ZSCAN32: variants seen among roughly 807,000 people sequenced by gnomAD.
ZSCAN32 encodes zinc finger and SCAN domain-containing protein 32.
ZSCAN32 carries 52 observed loss-of-function variants against 47.4 expected under a neutral mutation model. The ratio of observed to expected loss-of-function variants is 1.10; its 90% confidence interval spans 0.88 to 1.38. The LOEUF (loss-of-function observed/expected upper bound fraction) is 1.38. ZSCAN32 is among the 40% of genes most tolerant of loss of function. The pLI is 0.00. For synonymous variants in ZSCAN32, 346 were observed against 305.7 expected, an observed-to-expected ratio of 1.13 and a Z score of -1.38; for missense variants, 959 against 846.0, an observed-to-expected ratio of 1.13 and a Z score of -1.66.
chr16:3,383,329 A>G lies in ZSCAN32; in HGVS notation c.1617T>C (p.His539=), dbSNP rs189562749. 6.2e-7 allele frequency: 1 copy of G among 1,614,170 alleles called. No homozygotes were observed. The highest frequency in any genetic ancestry group is 2.2e-5 in the East Asian group (1 of 44,874). The change falls in exon 7 of 7, where the codon CAT becomes CAC. Residue 539 remains histidine, a synonymous_variant. Coordinates refer to ENST00000396852, the MANE Select transcript of ZSCAN32 (RefSeq NM_001284527.2). The stretch of plus-strand genomic sequence containing the variant: ...GCTTCTCGCCTGTGTGGATTCTTTG[A>G]TGCCGAACAAGATAAGAACTTCGGC... The part of the protein sequence containing the change: ...TFSRSSYLVR[H]QRIHTGEKPH...
At position 3,383,118 on chromosome 16, in the gene ZSCAN32, A is replaced by G. The variant is rs1475087785; in HGVS notation, c.1828T>C (p.Cys610Arg). 6.2e-7 allele frequency: 1 copy of G among 1,614,090 alleles called. No individual in the cohort carries two copies. The highest frequency in any genetic ancestry group is 2.2e-5 in the East Asian group (1 of 44,886). Reference protein sequence around the residue: ...TGEKPYQCIVCGKRFNNSSQF... With the variant: ...TGEKPYQCIVRGKRFNNSSQF... ...GAACTGTTGTTGAATCTCTTTCCAC[A>G]GACAATGCACTGGTAAGGCTTTTCC... The change falls in exon 7 of 7, where the codon TGT becomes CGT. Residue 610 changes from cysteine to arginine, a missense_variant. Transcript: ENST00000396852.
chr16:3,395,819 C>T (rs189296773), intron 2 of ZSCAN32, among the ~76,000 whole-genome samples: 1 of 152,150 alleles, frequency 6.6e-6, no homozygotes, highest in African/African-American at 2.4e-5. Flanking sequence ...AGCAACATGG[C>T]AAAACCTCAC....
At chr16:3,390,615 C>T (rs1287262620) in intron 3 of ZSCAN32, 98 bp from the exon 4 acceptor site, 18 of 893,054 alleles carry the variant, frequency 2.0e-5, no homozygotes, top group South Asian at 4.8e-5. Context: ...GCATCAGCAG[C>T]CCCTGGCAAC....
chr16:3,400,802 G>A (rs1335977715), intron 1 of ZSCAN32, 143 bp downstream of exon 1: 1 of 152,264 alleles, frequency 6.6e-6, no homozygotes, highest in African/African-American at 2.4e-5. Flanking sequence ...CGCCCGGCCT[G>A]AGGGAGGCTG....
chr16:3,391,697 A>AAAC lies in ZSCAN32; in HGVS notation c.533-1181_533-1180insGTT, dbSNP rs767841047. Among the ~76,000 whole-genome samples the AAAC allele has an allele frequency of 2.1e-4, 30 of 143,626 alleles. 1 individual carries two copies. The highest frequency in any genetic ancestry group is 4.1e-4 in the East Asian group (2 of 4,934). 94.2% of individuals were successfully genotyped at this position (143,626 alleles called of 152,430 possible). On this transcript the variant is annotated intron_variant, in intron 3 of 6. Transcript: ENST00000396852. ...TCCATCTCAAAAAAAAAAAAAAAAA[A>AAAC]CAAAATACTAAAATCTCTTAGACAA...
intron 5 of ZSCAN32, among the ~76,000 whole-genome samples, chr16:3,385,475 C>T (rs1286853705): frequency 4.6e-5 from 7 of 152,112 alleles, no homozygotes; most frequent in South Asian, 2.1e-4. Context: ...AAAAAGAGCC[C>T]GCATTGCCAA....
At position 3,384,847 on chromosome 16, in the gene ZSCAN32, C is replaced by T; in HGVS notation, c.846G>A (p.Gln282=). The part of the protein sequence containing the change: ...QFYGKLQTCQ[Q]NSQIYRAMAE... ...CCATGGCCCTGTAGATCTGGCTGTT[C>T]TGCTGACAGGTCTGGAGTTTTCCAT... Residue 282 remains glutamine, a synonymous_variant, in exon 6 of 7, where the codon CAG becomes CAA. Transcript: ENST00000396852. The T allele has an allele frequency of 1.9e-6, 3 of 1,614,144 alleles. No individual in the cohort carries two copies. Among genetic ancestry groups the T allele is most frequent in the Non-Finnish European group, 2.5e-6 (3 of 1,180,010 alleles).
At chr16:3,397,837 T>TACGGCGA in intron 1 of ZSCAN32, 93 bp from the exon 2 acceptor site, 13 of 233,780 alleles carry the variant, frequency 5.6e-5, no homozygotes, top group South Asian at 2.6e-4. Context: ...CTTTACTCCC[T>TACGGCGA]CCACAAATCT....
At chr16:3,400,078 T>A (rs762546585) in intron 1 of ZSCAN32, among the ~76,000 whole-genome samples, 12 of 152,194 alleles carry the variant, frequency 7.9e-5, no homozygotes, top group Non-Finnish European at 1.3e-4. Context: ...AGCTGTACAC[T>A]TAAAAATGGT....
At chr16:3,386,732 A>G in intron 5 of ZSCAN32, among the ~76,000 whole-genome samples, 1 of 152,174 alleles carries the variant, frequency 6.6e-6, no homozygotes, top group East Asian at 1.9e-4. Flanking sequence ...ATAGGTTGTA[A>G]CTGAACAGTG....
In ZSCAN32 at chr16:3,397,405, T is replaced by G; in HGVS notation, c.153A>C (p.Pro51=). Residue 51 remains proline (P), a synonymous_variant, in exon 2 of 7, where the codon CCA becomes CCC. Transcript: ENST00000396852. ...CCCAGAGTTTGCTAAAAGCTTCATG[T>G]GGGCCAGTTACCTCCTGGTAGCAAA... ...RQFCYQEVTG[P]HEAFSKLWEL... is the part of the protein sequence containing the mutation. The G allele has an allele frequency of 6.4e-7, 1 of 1,553,020 alleles. No homozygotes were observed. The highest frequency in any genetic ancestry group is 8.7e-7 in the Non-Finnish European group (1 of 1,148,442).
At chr16:3,388,812 G>C (rs1034887368) in intron 5 of ZSCAN32, among the ~76,000 whole-genome samples, 7 of 152,198 alleles carry the variant, frequency 4.6e-5, no homozygotes, top group African/African-American at 1.7e-4. Context: ...CACAGAGACA[G>C]AATGAAGACT....
intron 1 of ZSCAN32, among the ~76,000 whole-genome samples, chr16:3,398,596 T>C (rs754635671): frequency 2.6e-5 from 4 of 152,188 alleles, no homozygotes; most frequent in Non-Finnish European, 2.9e-5. Flanking sequence ...TACCAAAAAA[T>C]ATAGTCTTCT....
At chr16:3,398,490 G>A (rs2150910950) in intron 1 of ZSCAN32, among the ~76,000 whole-genome samples, 1 of 152,308 alleles carries the variant, frequency 6.6e-6, no homozygotes, top group Admixed American at 6.5e-5. Flanking sequence ...AGCCGGTTCT[G>A]TGCGTATTAA....
chr16:3,391,386 A>T (rs1327063010), intron 3 of ZSCAN32, among the ~76,000 whole-genome samples: 1 of 152,206 alleles, frequency 6.6e-6, no homozygotes, highest in East Asian at 1.9e-4. Context: ...CTTAAAAAAA[A>T]ACTAAAATCA....
chr16:3,397,142 C>T, intron 2 of ZSCAN32, 50 bp downstream of exon 2: 2 of 1,470,474 alleles, frequency 1.4e-6, no homozygotes, highest in South Asian at 2.9e-5. Context: ...AACTGGATTC[C>T]CCGACAACTT....
At chr16:3,400,570 G>A (rs770995762) in intron 1 of ZSCAN32, among the ~76,000 whole-genome samples, 1 of 152,228 alleles carries the variant, frequency 6.6e-6, no homozygotes, top group Admixed American at 6.5e-5. Flanking sequence ...GTAGCATGAG[G>A]ATGGGGAGCC....
chr16:3,384,342 A>G, intron 6 of ZSCAN32, 117 bp downstream of exon 6: 1 of 1,411,570 alleles, frequency 7.1e-7, no homozygotes, highest in Non-Finnish European at 9.7e-7. Flanking sequence ...GGATAGGGTC[A>G]CACATCAAGA....
In ZSCAN32 at chr16:3,400,996, G is replaced by A. The variant is rs1261069060; in HGVS notation, c.-239C>T. 6.6e-6 allele frequency: 1 copy of A among 152,536 alleles called. No homozygotes were observed. Among genetic ancestry groups the A allele is most frequent in the African/African-American group, 2.4e-5 (1 of 41,470 alleles). 9.4% of individuals were successfully genotyped at this position (152,536 alleles called of 1,614,324 possible). On this transcript the variant is annotated 5_prime_UTR_variant, in exon 1 of 7. Coordinates refer to ENST00000396852, the MANE Select transcript of ZSCAN32 (RefSeq NM_001284527.2). ...AACTCCCTCAGCCTCCGGGCCGGAAGTCAGCGGCGCGATTCGCTCCGCCCA... is the reference window on the plus strand; with the variant it reads ...AACTCCCTCAGCCTCCGGGCCGGAAATCAGCGGCGCGATTCGCTCCGCCCA...
Sources: allele counts gnomAD v4.1 joint callset (sites outside exome capture counted in the v4.1 genomes callset), GRCh38; gene constraint gnomAD v4.1.1; transcripts MANE v1.5; gene names NCBI Gene and HGNC (gene_info 2026-07-23, HGNC 2026-07-21).